Variants in PIWIL1 observed in about 807,000 individuals in gnomAD.
PIWIL1 encodes the protein piwi-like protein 1.
A neutral mutation model predicts 114.4 loss-of-function variants in PIWIL1; 73 were observed. The ratio of observed to expected loss-of-function variants is 0.64; its 90% CI spans 0.53 to 0.78. The LOEUF (loss-of-function observed/expected upper bound fraction) is 0.78, where lower values mean the gene tolerates loss of function less well. Among genes scored for constraint, PIWIL1 ranks in the 30% least tolerant of loss-of-function variants. PIWIL1 has a pLI of 0.00. For missense variants in PIWIL1, 723 were observed against 1,063.1 expected, an observed-to-expected ratio of 0.68 and a Z score of 4.45; for synonymous variants, 375 against 369.0, an observed-to-expected ratio of 1.02 and a Z score of -0.19.
At chr12:130,411,388 G>A in the PIWIL1 span, among the ~76,000 whole-genome samples, 1 of 152,128 alleles carries the variant, frequency 6.6e-6, no homozygotes, top group African/African-American at 2.4e-5. Flanking sequence ...CCAGTATGAT[G>A]TGGAAAAGGA....
Position 130,372,358 on chromosome 12 carries a change from A to C in PIWIL1, c.*760A>C, listed in dbSNP as rs749319160. On this transcript the variant is annotated 3_prime_UTR_variant, in exon 21 of 21. Transcript: ENST00000245255. ...AATAACTGTAATTCTTGTTTTACTG[A>C]AAGTATGTGCGTTTTCTTTTCATTT... 1 of 152,118 alleles carries C rather than the reference A, an allele frequency of 6.6e-6. No homozygotes were observed. The highest frequency in any genetic ancestry group is 1.5e-5 in the Non-Finnish European group (1 of 68,024). The allele number at this position is 152,118 out of a possible 1,614,324, so 9.4% of individuals were successfully genotyped here. A position where few individuals can be genotyped will look rare whatever the true frequency, so the allele number is the denominator to read the frequency against.
intron 19 of PIWIL1, among the ~76,000 whole-genome samples, chr12:130,367,719 C>T (rs2073700915): frequency 6.6e-6 from 1 of 152,194 alleles, no homozygotes. Flanking sequence ...AAGCAGAATG[C>T]CAGCCGGAGC....
chr12:130,346,037 T>C (rs140878985), intron 4 of PIWIL1, among the ~76,000 whole-genome samples, 159 bp downstream of exon 4: 7 of 152,338 alleles, frequency 4.6e-5, no homozygotes, highest in African/African-American at 1.2e-4. Context: ...GTTATAGATA[T>C]CTTTAACTGC....
chr12:130,414,320 G>A, the PIWIL1 span: 3 of 1,569,064 alleles, frequency 1.9e-6, no homozygotes, highest in Non-Finnish European at 1.7e-6. Context: ...CGAGCAAGTG[G>A]GGGTGAAGAA....
chr12:130,346,267 AG>A, intron 4 of PIWIL1, 102 bp from the exon 5 acceptor site: 1 of 803,412 alleles, frequency 1.2e-6, no homozygotes, highest in East Asian at 2.7e-5. Flanking sequence ...TGCTGCTCTT[AG>A]CCTTGTGTTT....
At chr12:130,381,998 G>A in the PIWIL1 span, among the ~76,000 whole-genome samples, 1 of 152,226 alleles carries the variant, frequency 6.6e-6, no homozygotes, top group Non-Finnish European at 1.5e-5. Context: ...TAATCAGGCT[G>A]TTGTCTCATT....
intron 19 of PIWIL1, among the ~76,000 whole-genome samples, chr12:130,368,895 A>C (rs377425099): frequency 6.9e-6 from 1 of 145,114 alleles, no homozygotes; most frequent in East Asian, 2.0e-4. Flanking sequence ...TTTTTTTTTT[A>C]GTTTCATTTT....
chr12:130,378,721 T>C, the PIWIL1 span, among the ~76,000 whole-genome samples: 3 of 152,256 alleles, frequency 2.0e-5, no homozygotes, highest in Admixed American at 2.0e-4. Flanking sequence ...GTAATGTTGC[T>C]GAGCATCTTT....
the PIWIL1 span, chr12:130,424,989 T>A: frequency 2.3e-6 from 1 of 443,128 alleles, no homozygotes; most frequent in Non-Finnish European, 3.6e-6. The surrounding 1 kb of genome is among the most constrained non-coding windows in gnomAD (Gnocchi z 9.8). Flanking sequence ...AGCATGCGTC[T>A]ACTCAGGCCG....
At chr12:130,407,931 C>G in the PIWIL1 span, 1 of 1,019,100 alleles carries the variant, frequency 9.8e-7, no homozygotes, top group South Asian at 1.3e-5. Flanking sequence ...CAGCCGAGAC[C>G]TGGCACTGCT....
At chr12:130,374,163 A>G (rs2073848804), downstream of PIWIL1, among the ~76,000 whole-genome samples, 1 of 152,134 alleles carries the variant, frequency 6.6e-6, no homozygotes, top group Admixed American at 6.5e-5. Flanking sequence ...CTATTTAGCA[A>G]TTTTACACGC....
chr12:130,362,156 A>G (rs2078658002), intron 16 of PIWIL1, among the ~76,000 whole-genome samples: 1 of 152,154 alleles, frequency 6.6e-6, no homozygotes, highest in African/African-American at 2.4e-5. Flanking sequence ...TTTGTGGTTC[A>G]GATTATTTCA....
the PIWIL1 span, chr12:130,412,467 G>A: frequency 2.8e-6 from 2 of 721,060 alleles, no homozygotes; most frequent in Non-Finnish European, 4.5e-6. Flanking sequence ...GGTGGCTTTT[G>A]CCCAAGAAAA....
At chr12:130,340,622 T>G (rs2072886588) in intron 1 of PIWIL1, among the ~76,000 whole-genome samples, 4 of 15,068 alleles carry the variant, frequency 2.7e-4, no homozygotes, top group Admixed American at 1.0e-3. Context: ...TGGGGGTTGG[T>G]GGTGGTGGTT....
the PIWIL1 span, among the ~76,000 whole-genome samples, chr12:130,379,660 G>A: frequency 1.7e-3 from 4 of 2,384 alleles, no homozygotes; most frequent in African/African-American, 6.3e-3. Flanking sequence ...CCTCATCCCA[G>A]TTCCCATCCA....
At chr12:130,422,004 C>T in the PIWIL1 span, among the ~76,000 whole-genome samples, 12 of 152,182 alleles carry the variant, frequency 7.9e-5, no homozygotes, top group African/African-American at 2.4e-4. The surrounding 1 kb of genome is among the most constrained non-coding windows in gnomAD (Gnocchi z 5.2). Flanking sequence ...CTCAGCTGCA[C>T]GGTGTCCCCC....
chr12:130,416,170 A>G, the PIWIL1 span, among the ~76,000 whole-genome samples: 12 of 152,230 alleles, frequency 7.9e-5, no homozygotes, highest in African/African-American at 2.9e-4. Context: ...TACAGATTCA[A>G]TGCTATTTCT....
At chr12:130,404,718 A>G in the PIWIL1 span, among the ~76,000 whole-genome samples, 3 of 152,206 alleles carry the variant, frequency 2.0e-5, no homozygotes, top group Non-Finnish European at 4.4e-5. Flanking sequence ...TTGAAAGACA[A>G]TATTATGTCT....
chr12:130,413,651 A>T, the PIWIL1 span, among the ~76,000 whole-genome samples: 1 of 151,114 alleles, frequency 6.6e-6, no homozygotes. Flanking sequence ...AAAAAAAAAA[A>T]AAAAAGGAAC....
Sources: allele counts gnomAD v4.1 joint callset (sites outside exome capture counted in the v4.1 genomes callset), GRCh38; gene constraint gnomAD v4.1.1; non-coding constraint Gnocchi (gnomAD v3.1); transcripts MANE v1.5; gene names NCBI Gene and HGNC (gene_info 2026-07-23, HGNC 2026-07-21).